Variants in ZKSCAN2 observed in about 807,000 individuals in gnomAD.
ZKSCAN2 encodes zinc finger protein with KRAB and SCAN domains 2.
In ZKSCAN2, 38 loss-of-function variants were observed where a neutral mutation model predicts 90.5. The ratio of observed to expected loss-of-function variants is 0.42; its 90% CI spans 0.32 to 0.55. The LOEUF is 0.55. Ranked by LOEUF, ZKSCAN2 falls within the 20% of genes least tolerant of loss-of-function variation. ZKSCAN2 has a pLI of 0.11. For missense variants in ZKSCAN2, 1,167 were observed against 1,202.6 expected (o/e 0.97, Z 0.44); for synonymous variants, 429 against 421.6 (o/e 1.02, Z -0.22).
chr16:25,239,968 C>G lies in ZKSCAN2; in HGVS notation c.2752G>C (p.Ala918Pro), dbSNP rs1256447589. The change falls in exon 7 of 7, where the codon GCC (alanine) becomes CCC (proline). Residue 918 changes from alanine (A) to proline (P), a missense_variant. Physicochemically the swap from Ala to Pro is conservative, Grantham distance 27. Coordinates refer to ENST00000328086, the MANE Select transcript of ZKSCAN2 (RefSeq NM_001012981.5). ...TTACTGAAACGTTTGCCACACTGGG[C>G]ACATCCATAGGGCTTCTCTCCAGTG... The part of the protein sequence containing the change: ...IHTGEKPYGC[A>P]QCGKRFSKSS... 6.2e-7 allele frequency: 1 copy of G among 1,614,130 alleles called. No homozygotes were observed. The highest frequency in any genetic ancestry group is 1.7e-5 in the Admixed American group (1 of 59,996).
Position 25,247,381 on chromosome 16 carries a change from A to C in ZKSCAN2, c.815T>G (p.Val272Gly). 1.2e-6 allele frequency: 2 copies of C among 1,604,550 alleles called. No individual in the cohort carries two copies. Among genetic ancestry groups the C allele is most frequent in the Non-Finnish European group, 1.7e-6 (2 of 1,177,636 alleles). The change falls in exon 5 of 7, where the codon GTG becomes GGG. Residue 272 changes from valine to glycine, a missense_variant. Physicochemically the swap from Val to Gly is moderately radical, Grantham distance 109 (BLOSUM62 -3). Transcript: ENST00000328086. ...CCGGGTTATCTTGTTAGATGTAGAC[A>C]CTGCACTTCCTACAGTAAAATAAAC... is the stretch of plus-strand genomic sequence containing the variant. The part of the protein sequence containing the change: ...VGNVVSLGSA[V>G]STSNKITRLE...
intron 2 of ZKSCAN2, among the ~76,000 whole-genome samples, chr16:25,254,034 AGAT>A (rs777415665): frequency 5.3e-5 from 8 of 152,200 alleles, no homozygotes; most frequent in Non-Finnish European, 1.0e-4. Flanking sequence ...AATAAAATAA[AGAT>A]GAGAGAATGG....
chr16:25,250,372 T>C (rs138459718), intron 4 of ZKSCAN2, among the ~76,000 whole-genome samples: 1 of 151,832 alleles, frequency 6.6e-6, no homozygotes, highest in Non-Finnish European at 1.5e-5. Flanking sequence ...CTAAGTGAAA[T>C]AAACCAGACA....
At position 25,236,964 on chromosome 16, in the gene ZKSCAN2, T is replaced by TA. The variant is rs1375568075; in HGVS notation, c.*2851dup. ...TGGGGTAGTTGGTTGAGGTGGGCTG[T>TA]AAGTTTTGTTGAACTTTCCAGCAGC... On this transcript the variant is annotated 3_prime_UTR_variant, in exon 7 of 7. Transcript: ENST00000328086. 6.6e-6 allele frequency: 1 copy of TA among 152,610 alleles called. No homozygotes were observed. Among genetic ancestry groups the TA allele is most frequent in the Non-Finnish European group, 1.5e-5 (1 of 68,030 alleles). The allele number at this position is 152,610 out of a possible 1,614,324, so 9.5% of individuals were successfully genotyped here.
rs751765632 is a variant in ZKSCAN2 at position 25,240,213 on chromosome 16, C to T, written c.2507G>A (p.Cys836Tyr). 4.3e-6 allele frequency: 7 copies of T among 1,614,038 alleles called. No homozygotes were observed. The highest frequency in any genetic ancestry group is 1.7e-5 in the Admixed American group (1 of 60,006). Residue 836 changes from cysteine to tyrosine, a missense_variant, in exon 7 of 7, where the codon TGT (cysteine) becomes TAT (tyrosine). Cys to Tyr is a radical substitution (Grantham distance 194). Coordinates refer to ENST00000328086, the MANE Select transcript of ZKSCAN2 (RefSeq NM_001012981.5). ...TGEKPYRCGE[C>Y]GKCFSQSSSL... ...AGAGCTCTGACTAAAGCATTTTCCA[C>T]ACTCTCCGCATCTGTAGGGTTTCTC...
rs1019439795 is a variant in ZKSCAN2 at position 25,243,945 on chromosome 16, C to T, written c.1821G>A (p.Gly607=). ...GTTCCTGGGGTTCAACCTCAATACCCCCTCTTTCTTGCCTTGAAGGTGATG... is the reference window on the plus strand; with the variant it reads ...GTTCCTGGGGTTCAACCTCAATACCTCCTCTTTCTTGCCTTGAAGGTGATG... ...EVPSPSRQER[G]GIEVEPQEPT... Residue 607 remains glycine (G), a synonymous_variant, in exon 6 of 7, where the codon GGG becomes GGA. Transcript: ENST00000328086. 2 of 1,614,102 alleles carry T rather than the reference C, an allele frequency of 1.2e-6. No individual in the cohort carries two copies. The highest frequency in any genetic ancestry group is 1.3e-5 in the African/African-American group (1 of 75,012).
chr16:25,249,686 A>G (rs745421919), intron 4 of ZKSCAN2, among the ~76,000 whole-genome samples: 7 of 152,246 alleles, frequency 4.6e-5, no homozygotes, highest in Non-Finnish European at 5.9e-5. Flanking sequence ...TTATCTGTCA[A>G]TTAAAAAAAG....
intron 6 of ZKSCAN2, among the ~76,000 whole-genome samples, chr16:25,243,297 G>A (rs981491043): frequency 7.2e-5 from 11 of 152,176 alleles, no homozygotes; most frequent in African/African-American, 1.4e-4. Context: ...TCTAACGTGA[G>A]TTCCTCCTTT....
In ZKSCAN2 at chr16:25,240,411, T is replaced by C. The variant is rs1476943700; in HGVS notation, c.2309A>G (p.His770Arg). The C allele has an allele frequency of 6.2e-7, 1 of 1,614,228 alleles. No homozygotes were observed. The highest frequency in any genetic ancestry group is 8.5e-7 in the Non-Finnish European group (1 of 1,180,036). The change falls in exon 7 of 7, where the codon CAC (histidine) becomes CGC (arginine). Residue 770 changes from histidine (H) to arginine (R), a missense_variant. Transcript: ENST00000328086. ...ACCACACTTGTAAGGATTCTCCTTG[T>C]GGTGGGTCATCCGGCACATCAGACG... is the stretch of plus-strand genomic sequence containing the variant. Reference protein sequence around the residue: ...STRLMCRMTHHKENPYKCGVC... With the variant: ...STRLMCRMTHRKENPYKCGVC...
chr16:25,255,894 T>G (rs1963094476), intron 1 of ZKSCAN2, among the ~76,000 whole-genome samples: 1 of 152,182 alleles, frequency 6.6e-6, no homozygotes, highest in Non-Finnish European at 1.5e-5. Flanking sequence ...GAATAATATT[T>G]AATACTAAAC....
chr16:25,240,731 TTC>T lies in ZKSCAN2; in HGVS notation c.1987_1988del (p.Glu663AsnfsTer4). The T allele has an allele frequency of 6.3e-7, 1 of 1,599,208 alleles. No homozygotes were observed. Among genetic ancestry groups the T allele is most frequent in the South Asian group, 1.1e-5 (1 of 89,646 alleles). On this transcript the variant is annotated frameshift_variant, in exon 7 of 7. Transcript: ENST00000328086. LOFTEE classifies it high-confidence loss of function. ...PGLLQSPNDF[E>X]IGSSIKEDPT... ...GATCCTCCTTGATGCTACTTCCGATTTCAAAATCTGAAAAAATGAAAGACAAT... is the reference window on the plus strand; with the variant it reads ...GATCCTCCTTGATGCTACTTCCGATTAAAATCTGAAAAAATGAAAGACAAT...
intron 3 of ZKSCAN2, 35 bp from the exon 4 acceptor site, chr16:25,252,070 A>C: frequency 6.2e-7 from 1 of 1,611,570 alleles, no homozygotes; most frequent in Non-Finnish European, 8.5e-7. Context: ...CTACCAAGAT[A>C]ACTGCACAGG....
rs1449559418 is a variant in ZKSCAN2, at chr16:25,240,049, C to T, written c.2671G>A (p.Asp891Asn). The T allele has an allele frequency of 1.2e-6, 2 of 1,613,828 alleles. No individual in the cohort carries two copies. Among genetic ancestry groups the T allele is most frequent in the Non-Finnish European group, 1.7e-6 (2 of 1,180,000 alleles). ...CAGTTATTGAAACTTTTTTCACAGT[C>T]CACACATTTGTAGGGATTCTCCCCA... ...HTGENPYKCVDCEKSFNNCTR... is the reference protein window; with the variant it reads ...HTGENPYKCVNCEKSFNNCTR... Residue 891 changes from aspartate (D) to asparagine (N), a missense_variant, in exon 7 of 7, where the codon GAC becomes AAC. Physicochemically the swap from Asp to Asn is conservative, Grantham distance 23. Coordinates refer to ENST00000328086, the MANE Select transcript of ZKSCAN2 (RefSeq NM_001012981.5).
rs562522141 is a variant in ZKSCAN2, at chr16:25,244,475, T to A, written c.1490-199A>T. 6.6e-5 allele frequency among the ~76,000 whole-genome samples: 10 copies of A among 152,138 alleles called. No homozygotes were observed. The East Asian group carries it at 1.9e-3, about 29-fold the overall frequency. On this transcript the variant is annotated intron_variant, in intron 5 of 6. Transcript: ENST00000328086. ...TGTAATATCATAAAACTAGAAAAAATGACAAGACACTGTTTATGAATAGGA... is the reference window on the plus strand; with the variant it reads ...TGTAATATCATAAAACTAGAAAAAAAGACAAGACACTGTTTATGAATAGGA...
rs998171922 is a variant in ZKSCAN2, at chr16:25,251,788, C to T, written c.805+121G>A. 16 of 1,217,198 alleles carry T rather than the reference C, an allele frequency of 1.3e-5. No individual in the cohort carries two copies. In the African/African-American group the frequency reaches 1.5e-4, roughly 12 times the overall value. 75.4% of individuals were successfully genotyped at this position (1,217,198 alleles called of 1,614,324 possible). The stretch of plus-strand genomic sequence containing the variant: ...AAGAGAACCTGGCTAAGTGATTACA[C>T]TAGACAATCCTTAGAGATCCTTTAA... On this transcript the variant is annotated intron_variant, in intron 4 of 6. Transcript: ENST00000328086.
intron 6 of ZKSCAN2, among the ~76,000 whole-genome samples, chr16:25,242,857 G>A (rs934573575): frequency 6.6e-6 from 1 of 152,200 alleles, no homozygotes; most frequent in Admixed American, 6.5e-5. Context: ...AGAGAGAGAA[G>A]ACTGAACTAG....
At position 25,252,926 on chromosome 16, in the gene ZKSCAN2, A is replaced by T; in HGVS notation, c.678+20T>A. On this transcript the variant is annotated intron_variant, in intron 3 of 6. Coordinates refer to ENST00000328086, the MANE Select transcript of ZKSCAN2 (RefSeq NM_001012981.5). The stretch of plus-strand genomic sequence containing the variant: ...GAGTGAGACTCCATCTCAAAGAAAA[A>T]AAAGACAATTACAATGTACCTGGGA... 6.2e-6 allele frequency: 10 copies of T among 1,602,250 alleles called. No individual in the cohort carries two copies. The highest frequency in any genetic ancestry group is 8.6e-6 in the Non-Finnish European group (10 of 1,169,480).
At position 25,240,412 on chromosome 16, in the gene ZKSCAN2, G is replaced by C. The variant is rs773026685; in HGVS notation, c.2308C>G (p.His770Asp). ...STRLMCRMTH[H>D]KENPYKCGVC... ...CCACACTTGTAAGGATTCTCCTTGT[G>C]GTGGGTCATCCGGCACATCAGACGA... The change falls in exon 7 of 7, where the codon CAC (histidine) becomes GAC (aspartate). Residue 770 changes from histidine to aspartate, a missense_variant. Transcript: ENST00000328086. 5 of 1,614,142 alleles carry C rather than the reference G, an allele frequency of 3.1e-6. No individual in the cohort carries two copies. The highest frequency in any genetic ancestry group is 3.4e-6 in the Non-Finnish European group (4 of 1,180,024).
At position 25,240,045 on chromosome 16, in the gene ZKSCAN2, C is replaced by G. The variant is rs373514402; in HGVS notation, c.2675G>C (p.Cys892Ser). Residue 892 changes from cysteine to serine, a missense_variant, in exon 7 of 7, where the codon TGT (cysteine) becomes TCT (serine). Cys to Ser is a moderately radical substitution (Grantham distance 112). Coordinates refer to ENST00000328086, the MANE Select transcript of ZKSCAN2 (RefSeq NM_001012981.5). ...CGTACAGTTATTGAAACTTTTTTCA[C>G]AGTCCACACATTTGTAGGGATTCTC... Reference protein sequence around the residue: ...TGENPYKCVDCEKSFNNCTRF... With the variant: ...TGENPYKCVDSEKSFNNCTRF... 5.0e-6 allele frequency: 8 copies of G among 1,613,932 alleles called. No homozygotes were observed. The Admixed American group carries it at 1.2e-4, about 24-fold the overall frequency.
Sources: allele counts gnomAD v4.1 joint callset (sites outside exome capture counted in the v4.1 genomes callset), GRCh38; gene constraint gnomAD v4.1.1; transcripts MANE v1.5; gene names NCBI Gene and HGNC (gene_info 2026-07-23, HGNC 2026-07-21).